POMT1: variants seen among roughly 807,000 people sequenced by gnomAD.
POMT1 encodes the protein protein O-mannosyltransferase 1.
A neutral mutation model predicts 101.6 loss-of-function variants in POMT1; 85 were observed. The observed-to-expected ratio is 0.84, with a 90% confidence interval of 0.70 to 1.00. The LOEUF (loss-of-function observed/expected upper bound fraction) is 1.00, where lower values mean the gene tolerates loss of function less well. Ranked by LOEUF, POMT1 falls within the 50% of genes least tolerant of loss-of-function variation. POMT1 has a pLI of 0.00. For synonymous variants in POMT1, 371 were observed against 383.0 expected, an observed-to-expected ratio of 0.97 and a Z score of 0.37; for missense variants, 857 against 930.4, an observed-to-expected ratio of 0.92 and a Z score of 1.03.
At chr9:131,514,522 G>A (rs1305114046) in intron 12 of POMT1, among the ~76,000 whole-genome samples, 1 of 152,230 alleles carries the variant, frequency 6.6e-6, no homozygotes, top group Non-Finnish European at 1.5e-5. Flanking sequence ...ACAGGTGCAC[G>A]CTCTGCCCAC....
intron 6 of POMT1, 61 bp downstream of exon 6, chr9:131,509,083 T>G (rs1221735751): frequency 5.0e-6 from 6 of 1,201,008 alleles, no homozygotes; most frequent in Non-Finnish European, 7.4e-6. Context: ...GGTTTGTTGA[T>G]CTGAGATGGT....
intron 17 of POMT1, among the ~76,000 whole-genome samples, chr9:131,520,865 C>T (rs892799009): frequency 6.6e-6 from 1 of 152,146 alleles, no homozygotes; most frequent in Non-Finnish European, 1.5e-5. Context: ...AAGAGAGAGA[C>T]GGAGTCTTGC....
chr9:131,521,579 C>T, intron 18 of POMT1, 107 bp downstream of exon 18: 2 of 1,335,172 alleles, frequency 1.5e-6, no homozygotes, highest in Admixed American at 1.9e-5. Flanking sequence ...ATCCTCCTGC[C>T]TCGGCCTCCC....
intron 2 of POMT1, 71 bp downstream of exon 2, chr9:131,504,411 A>C: frequency 6.2e-7 from 1 of 1,609,448 alleles, no homozygotes; most frequent in Non-Finnish European, 8.5e-7. Flanking sequence ...CCCTTACTGA[A>C]TAGCATAAAT....
At chr9:131,504,812 T>C (rs1454234744) in intron 2 of POMT1, among the ~76,000 whole-genome samples, 1 of 150,542 alleles carries the variant, frequency 6.6e-6, no homozygotes, top group Non-Finnish European at 1.5e-5. Flanking sequence ...GGAGTCTTGC[T>C]GTGTCGCCCA....
chr9:131,512,325 G>A (rs1234077707), intron 11 of POMT1, among the ~76,000 whole-genome samples, 189 bp downstream of exon 11: 1 of 152,196 alleles, frequency 6.6e-6, no homozygotes, highest in Non-Finnish European at 1.5e-5. Context: ...TCAGTGAGCA[G>A]CCTGCTCAGT....
chr9:131,513,186 T>C, intron 11 of POMT1, 53 bp from the exon 12 acceptor site: 1 of 1,480,176 alleles, frequency 6.8e-7, no homozygotes, highest in Non-Finnish European at 9.4e-7. Flanking sequence ...GGTGCAGCTG[T>C]TAGTTCGAGG....
chr9:131,515,562 A>G, intron 13 of POMT1, 40 bp downstream of exon 13: 4 of 1,575,138 alleles, frequency 2.5e-6, no homozygotes, highest in Non-Finnish European at 3.5e-6. Flanking sequence ...AACCGTCAGT[A>G]ATGAACACTC....
At chr9:131,507,314 CAG>C in intron 4 of POMT1, 52 bp from the exon 5 acceptor site, 1 of 1,612,774 alleles carries the variant, frequency 6.2e-7, no homozygotes, top group Non-Finnish European at 8.5e-7. Context: ...CTGCAGTACA[CAG>C]AGATGGTGTG....
At chr9:131,514,239 T>C (rs950433536) in intron 12 of POMT1, among the ~76,000 whole-genome samples, 12 of 152,150 alleles carry the variant, frequency 7.9e-5, no homozygotes, top group South Asian at 2.1e-4. Flanking sequence ...CACAACCCAC[T>C]TGCGTTGTTC....
At position 131,523,385 on chromosome 9, in the gene POMT1, G is replaced by A. The variant is rs1008129269; in HGVS notation, c.*279G>A. ...TTCAGAGGCCAGCGTAGGAGTCATT[G>A]ACAACAAAAAGCCGAGAACCCAGGG... On this transcript the variant is annotated 3_prime_UTR_variant, in exon 20 of 20. Coordinates refer to ENST00000402686, the MANE Select transcript of POMT1 (RefSeq NM_001077365.2). 6 of 445,132 alleles carry A rather than the reference G, an allele frequency of 1.3e-5. No homozygotes were observed. The highest frequency in any genetic ancestry group is 4.3e-5 in the South Asian group (2 of 46,484). The allele number at this position is 445,132 out of a possible 1,614,324, so 27.6% of individuals were successfully genotyped here.
chr9:131,507,546 T>C, intron 5 of POMT1, 32 bp downstream of exon 5: 3 of 1,613,146 alleles, frequency 1.9e-6, no homozygotes, highest in Non-Finnish European at 2.5e-6. Flanking sequence ...GCTCTTGCTG[T>C]CATGCAGGGA....
chr9:131,507,035 C>T (rs1395410743), intron 4 of POMT1, among the ~76,000 whole-genome samples: 1 of 151,394 alleles, frequency 6.6e-6, no homozygotes, highest in Non-Finnish European at 1.5e-5. Flanking sequence ...CCACTGCACT[C>T]CGGCCTGGGG....
chr9:131,515,621 C>T, intron 13 of POMT1, 99 bp downstream of exon 13: 1 of 1,105,710 alleles, frequency 9.0e-7, no homozygotes, highest in Non-Finnish European at 1.4e-6. Flanking sequence ...ACACAGAGCA[C>T]TTCCTAACAG....
intron 10 of POMT1, 132 bp downstream of exon 10, chr9:131,511,599 T>C (rs906240184): frequency 2.5e-6 from 3 of 1,220,506 alleles, no homozygotes; most frequent in Non-Finnish European, 3.5e-6. Flanking sequence ...GCCCGGGTGC[T>C]GATTGCCAGT....
intron 4 of POMT1, chr9:131,506,715 T>C: frequency 1.9e-6 from 1 of 520,682 alleles, no homozygotes; most frequent in East Asian, 3.5e-5. Flanking sequence ...TCACAGAGCG[T>C]CTGATTGTGA....
In POMT1 at chr9:131,510,473, G is replaced by A. The variant is rs553406766; in HGVS notation, c.855+58G>A. ...GAAGGAAGATGATAGTGGACCCAGA[G>A]TTTTCTTACAAACACATCAAGTGAA... is the stretch of plus-strand genomic sequence containing the variant. On this transcript the variant is annotated intron_variant, in intron 9 of 19. Coordinates refer to ENST00000402686, the MANE Select transcript of POMT1 (RefSeq NM_001077365.2). 1.3e-5 allele frequency: 20 copies of A among 1,549,962 alleles called. 1 individual carries two copies. The South Asian group carries it at 2.1e-4, about 16-fold the overall frequency.
intron 2 of POMT1, among the ~76,000 whole-genome samples, chr9:131,505,910 G>A (rs1029139757): frequency 6.6e-6 from 1 of 152,108 alleles, no homozygotes; most frequent in Non-Finnish European, 1.5e-5. Context: ...GCTGTGCTTG[G>A]TGAATTCCCC....
rs757984572 is a variant in POMT1 at position 131,511,460 on chromosome 9, C to A, written c.979C>A (p.Pro327Thr). ...CWLHSHQDTY[P>T]MIYENGRGSS... ...GCTTCATTCCCACCAGGACACCTAC[C>A]CCATGATGTAAGGTGATGGTTTTAC... The change falls in exon 10 of 20, where the codon CCC becomes ACC. Residue 327 changes from proline to threonine, a missense_variant. By Grantham distance (38) the Pro-to-Thr change is conservative (BLOSUM62 -1). Coordinates refer to ENST00000402686, the MANE Select transcript of POMT1 (RefSeq NM_001077365.2). 3.1e-6 allele frequency: 5 copies of A among 1,614,060 alleles called. No individual in the cohort carries two copies.
Sources: allele counts gnomAD v4.1 joint callset (sites outside exome capture counted in the v4.1 genomes callset), GRCh38; gene constraint gnomAD v4.1.1; transcripts MANE v1.5; gene names NCBI Gene and HGNC (gene_info 2026-07-23, HGNC 2026-07-21).